The following CDH13 variants were observed in gnomAD, a reference collection of about 807,000 sequenced individuals.
CDH13 encodes the protein cadherin 13.
A neutral mutation model predicts 63.8 loss-of-function variants in CDH13; 24 were observed. The ratio of observed to expected loss-of-function variants is 0.38; its 90% CI spans 0.27 to 0.53. CDH13 has a LOEUF of 0.53. Among genes scored for constraint, CDH13 ranks in the 20% least tolerant of loss-of-function variants. CDH13 has a pLI of 0.85. For synonymous variants in CDH13, 503 were observed against 355.3 expected, an observed-to-expected ratio of 1.42 and a Z score of -4.67; for missense variants, 1,049 against 903.1, an observed-to-expected ratio of 1.16 and a Z score of -2.07.
chr16:83,448,689 A>T (rs530690385), intron 6 of CDH13, among the ~76,000 whole-genome samples: 29 of 152,318 alleles, frequency 1.9e-4, no homozygotes, highest in Admixed American at 1.9e-3. Context: ...AAAGCAGTAG[A>T]GATGAGAGTA....
intron 4 of CDH13, among the ~76,000 whole-genome samples, chr16:83,132,679 C>T (rs964466032): frequency 2.0e-5 from 3 of 152,050 alleles, no homozygotes; most frequent in African/African-American, 4.8e-5. Flanking sequence ...CCATCTGCCT[C>T]GGCCTCCCAA....
intron 6 of CDH13, among the ~76,000 whole-genome samples, chr16:83,455,817 C>G (rs990481287): frequency 6.6e-6 from 1 of 152,208 alleles, no homozygotes; most frequent in Non-Finnish European, 1.5e-5. Context: ...GCAGCTTTCC[C>G]TGTGGACAAG....
chr16:82,885,470 T>TCCAC (rs1321871845), intron 2 of CDH13, among the ~76,000 whole-genome samples: 1 of 97,016 alleles, frequency 1.0e-5, no homozygotes, highest in African/African-American at 4.1e-5. Context: ...CACCTACCCA[T>TCCAC]CCATCCATCC....
At chr16:83,572,360 C>G (rs1004746492) in intron 7 of CDH13, among the ~76,000 whole-genome samples, 1 of 151,978 alleles carries the variant, frequency 6.6e-6, no homozygotes, top group Admixed American at 6.6e-5. Flanking sequence ...AGGCTGGTCT[C>G]GAACTCCTGA....
intron 11 of CDH13, among the ~76,000 whole-genome samples, chr16:83,758,684 T>C (rs939774358): frequency 6.6e-6 from 1 of 152,210 alleles, no homozygotes. Context: ...TTAGTAAAGG[T>C]CATCAGGTAT....
intron 2 of CDH13, among the ~76,000 whole-genome samples, chr16:82,860,967 A>C (rs1244006254): frequency 6.6e-6 from 1 of 152,228 alleles, no homozygotes; most frequent in Non-Finnish European, 1.5e-5. Flanking sequence ...CTTATAATGC[A>C]AAACAAAAAC....
intron 1 of CDH13, among the ~76,000 whole-genome samples, chr16:82,770,575 G>A (rs890579089): frequency 6.6e-6 from 1 of 152,124 alleles, no homozygotes; most frequent in Non-Finnish European, 1.5e-5. Flanking sequence ...ATTATGCTTT[G>A]AGTTATATTG....
At chr16:83,755,325 TA>T (rs1486229432) in intron 11 of CDH13, among the ~76,000 whole-genome samples, 1 of 152,036 alleles carries the variant, frequency 6.6e-6, no homozygotes, top group Non-Finnish European at 1.5e-5. Flanking sequence ...GCCAAAAGAC[TA>T]GTGTGTGGAA....
chr16:83,485,411 C>G (rs1598129167), intron 6 of CDH13, among the ~76,000 whole-genome samples: 1 of 152,196 alleles, frequency 6.6e-6, no homozygotes, highest in Non-Finnish European at 1.5e-5. Context: ...ATCCAACACT[C>G]CACATGCTTG....
At chr16:82,988,402 G>T (rs141616650) in intron 2 of CDH13, among the ~76,000 whole-genome samples, 1 of 152,158 alleles carries the variant, frequency 6.6e-6, no homozygotes, top group African/African-American at 2.4e-5. Flanking sequence ...AGAAATTGGA[G>T]GCTGGAGTTA....
At chr16:83,632,057 G>A (rs562325262) in intron 8 of CDH13, among the ~76,000 whole-genome samples, 1 of 152,204 alleles carries the variant, frequency 6.6e-6, no homozygotes, top group Non-Finnish European at 1.5e-5. Flanking sequence ...TTTTAAAGAA[G>A]AACGAACCCA....
At chr16:82,857,709 A>G (rs1222546287) in intron 1 of CDH13, among the ~76,000 whole-genome samples, 1 of 152,234 alleles carries the variant, frequency 6.6e-6, no homozygotes, top group African/African-American at 2.4e-5. Flanking sequence ...AATAACATAT[A>G]TTTAATTTCA....
intron 6 of CDH13, among the ~76,000 whole-genome samples, chr16:83,371,233 A>G (rs1439099697): frequency 6.6e-6 from 1 of 152,186 alleles, no homozygotes; most frequent in Non-Finnish European, 1.5e-5. Flanking sequence ...CTGTACTTTT[A>G]ATTCTATTTT....
At chr16:83,008,087 T>G (rs1169393103) in intron 2 of CDH13, among the ~76,000 whole-genome samples, 1 of 152,168 alleles carries the variant, frequency 6.6e-6, no homozygotes, top group Non-Finnish European at 1.5e-5. Flanking sequence ...TCATTATGTT[T>G]AGAGAGCTAC....
At chr16:82,677,181 C>G (rs1255149730) in intron 1 of CDH13, among the ~76,000 whole-genome samples, 1 of 152,198 alleles carries the variant, frequency 6.6e-6, no homozygotes, top group Non-Finnish European at 1.5e-5. Context: ...TGCGCCTGGC[C>G]TACACAGTTT....
At chr16:83,497,315 G>A (rs1335698598) in intron 7 of CDH13, among the ~76,000 whole-genome samples, 8 of 151,974 alleles carry the variant, frequency 5.3e-5, no homozygotes, top group Non-Finnish European at 1.2e-4. Flanking sequence ...TATACACCAT[G>A]GAATACTATG....
intron 7 of CDH13, among the ~76,000 whole-genome samples, chr16:83,555,827 G>A (rs564134557): frequency 2.6e-5 from 4 of 152,308 alleles, no homozygotes; most frequent in African/African-American, 9.6e-5. Flanking sequence ...ATTGAGGATT[G>A]TAAACATCTT....
intron 6 of CDH13, among the ~76,000 whole-genome samples, chr16:83,432,384 C>G (rs1231482174): frequency 6.6e-6 from 1 of 152,132 alleles, no homozygotes; most frequent in African/African-American, 2.4e-5. Context: ...ACCCCTATCA[C>G]AGATGAGGAA....
At position 82,932,025 on chromosome 16, in the gene CDH13, G is replaced by A. The variant is rs559132041; in HGVS notation, c.157+73552G>A. 2.5e-4 allele frequency among the ~76,000 whole-genome samples: 38 copies of A among 152,236 alleles called. No homozygotes were observed. In the South Asian group the frequency reaches 2.9e-3, roughly 12 times the overall value. On this transcript the variant is annotated intron_variant, in intron 2 of 13. Transcript: ENST00000567109. ...AGTTAAGACCTCTGGTAAATTGTACGATAGCTTGTGGGGGGAAAATCACTG... is the reference window on the plus strand; with the variant it reads ...AGTTAAGACCTCTGGTAAATTGTACAATAGCTTGTGGGGGGAAAATCACTG...
Sources: allele counts gnomAD v4.1 joint callset (sites outside exome capture counted in the v4.1 genomes callset), GRCh38; gene constraint gnomAD v4.1.1; transcripts MANE v1.5; gene names NCBI Gene and HGNC (gene_info 2026-07-23, HGNC 2026-07-21).